Variants in RASAL2 observed in about 807,000 individuals in gnomAD.
RASAL2 encodes ras GTPase-activating protein nGAP.
In RASAL2, 58 loss-of-function variants were observed where a neutral mutation model predicts 128.9. That is an observed-to-expected ratio of 0.45 (90% confidence interval 0.36 to 0.56). The LOEUF (loss-of-function observed/expected upper bound fraction) is 0.56. RASAL2 is among the 20% of genes least tolerant of loss of function. The pLI is 0.00. For missense variants in RASAL2, 1,360 were observed against 1,601.6 expected, an observed-to-expected ratio of 0.85 and a Z score of 2.57; for synonymous variants, 561 against 580.8, an observed-to-expected ratio of 0.97 and a Z score of 0.49.
intron 17 of RASAL2, among the ~76,000 whole-genome samples, chr1:178,468,850 A>G (rs949211658): frequency 6.6e-6 from 1 of 152,234 alleles, no homozygotes; most frequent in East Asian, 1.9e-4. Flanking sequence ...AAATAAGGCA[A>G]TTGAGTCAGG....
At chr1:178,347,847 T>C (rs1670231118) in intron 3 of RASAL2, among the ~76,000 whole-genome samples, 1 of 152,220 alleles carries the variant, frequency 6.6e-6, no homozygotes. Context: ...AGAAGACCTG[T>C]ACAAAAATGC....
At chr1:178,361,591 T>C (rs1234218008) in intron 3 of RASAL2, among the ~76,000 whole-genome samples, 1 of 152,092 alleles carries the variant, frequency 6.6e-6, no homozygotes, top group Admixed American at 6.6e-5. Flanking sequence ...GCATCTGTAC[T>C]GAACATGTAC....
intron 1 of RASAL2, among the ~76,000 whole-genome samples, chr1:178,265,125 C>T (rs1665884020): frequency 6.6e-6 from 1 of 152,206 alleles, no homozygotes; most frequent in Admixed American, 6.5e-5. Flanking sequence ...ATCTGTAATA[C>T]ATGGAAGATT....
intron 4 of RASAL2, chr1:178,411,969 T>G: frequency 1.7e-6 from 1 of 585,046 alleles, no homozygotes; most frequent in South Asian, 2.0e-5. Flanking sequence ...CCATCCCCTC[T>G]TGACGGCACC....
intron 3 of RASAL2, among the ~76,000 whole-genome samples, chr1:178,354,774 G>T (rs901056819): frequency 5.9e-5 from 9 of 152,088 alleles, no homozygotes; most frequent in African/African-American, 2.2e-4. Flanking sequence ...CATCTAAAAA[G>T]TAAACTATAA....
At chr1:178,271,921 C>T (rs768649151) in intron 1 of RASAL2, among the ~76,000 whole-genome samples, 6 of 152,228 alleles carry the variant, frequency 3.9e-5, no homozygotes, top group South Asian at 2.1e-4. Context: ...GTAGGACCAC[C>T]GTCTTCCTCA....
At chr1:178,150,553 C>A (rs1196740904) in intron 1 of RASAL2, among the ~76,000 whole-genome samples, 2 of 152,026 alleles carry the variant, frequency 1.3e-5, no homozygotes, top group Non-Finnish European at 2.9e-5. Context: ...AAAATGTTGT[C>A]TATTGTTACA....
At chr1:178,296,099 ATGTG>A (rs1557883587) in intron 2 of RASAL2, among the ~76,000 whole-genome samples, 1 of 148,626 alleles carries the variant, frequency 6.7e-6, no homozygotes, top group Non-Finnish European at 1.5e-5. Context: ...GTGTATATAT[ATGTG>A]TATATATGTG....
At chr1:178,138,738 C>A (rs1467074566) in intron 1 of RASAL2, among the ~76,000 whole-genome samples, 1 of 152,050 alleles carries the variant, frequency 6.6e-6, no homozygotes, top group African/African-American at 2.4e-5. Context: ...TTAATTTATA[C>A]CTTTTGGTAT....
At chr1:178,345,856 AG>A (rs1173246837) in intron 3 of RASAL2, among the ~76,000 whole-genome samples, 4 of 152,350 alleles carry the variant, frequency 2.6e-5, no homozygotes, top group African/African-American at 9.6e-5. Flanking sequence ...GTCTATTAAC[AG>A]GGAAGGATAA....
chr1:178,129,628 G>A (rs1387829649), intron 1 of RASAL2, among the ~76,000 whole-genome samples: 1 of 151,632 alleles, frequency 6.6e-6, no homozygotes, highest in Non-Finnish European at 1.5e-5. Context: ...TACAATTGAT[G>A]GTTTTAGTAT....
At chr1:178,456,347 C>T (rs566846591) in intron 12 of RASAL2, 8 of 267,510 alleles carry the variant, frequency 3.0e-5, no homozygotes, top group Non-Finnish European at 5.8e-5. Flanking sequence ...TTTGGTTCTG[C>T]CTCCACCCTC....
rs397982072 is a variant in RASAL2 at position 178,136,756 on chromosome 1, C to CAAAAAAAAAAA, written c.202+42082_202+42092dup. 2.5e-4 allele frequency among the ~76,000 whole-genome samples: 12 copies of CAAAAAAAAAAA among 47,208 alleles called. 1 individual carries two copies. Among genetic ancestry groups the CAAAAAAAAAAA allele is most frequent in the African/African-American group, 9.2e-4 (9 of 9,798 alleles). 31.0% of individuals were successfully genotyped at this position (47,208 alleles called of 152,430 possible). A position where few individuals can be genotyped will look rare whatever the true frequency, so the allele number is the denominator to read the frequency against. On this transcript the variant is annotated intron_variant, in intron 1 of 17. Transcript: ENST00000367649. ...TAGGTGACAAAGTGAGACTCTGTCTCAAAAAAAAAAAAAAAAAAAAAAAAA... is the reference window on the plus strand; with the variant it reads ...TAGGTGACAAAGTGAGACTCTGTCTCAAAAAAAAAAAAAAAAAAAAAAAAAAAAAAAAAAAA...
chr1:178,197,075 A>G (rs1221604501), intron 1 of RASAL2, among the ~76,000 whole-genome samples: 1 of 152,216 alleles, frequency 6.6e-6, no homozygotes, highest in African/African-American at 2.4e-5. Context: ...GCACTTTGGG[A>G]GGCCGAGGTG....
intron 1 of RASAL2, among the ~76,000 whole-genome samples, chr1:178,140,077 A>T (rs750680777): frequency 6.6e-6 from 1 of 152,218 alleles, no homozygotes; most frequent in Non-Finnish European, 1.5e-5. Context: ...AACCTATGAA[A>T]GCAGATTGGA....
intron 1 of RASAL2, among the ~76,000 whole-genome samples, chr1:178,281,915 G>A (rs1428746862): frequency 6.6e-6 from 1 of 152,126 alleles, no homozygotes; most frequent in Non-Finnish European, 1.5e-5. Context: ...AGGATTAAGA[G>A]TCAGTTTCAT....
chr1:178,446,907 T>C (rs896453932), intron 9 of RASAL2, among the ~76,000 whole-genome samples: 4 of 152,090 alleles, frequency 2.6e-5, no homozygotes, highest in Admixed American at 6.6e-5. Context: ...AGAAGTAGCA[T>C]GGGGGAAAGG....
At chr1:178,141,189 TTTTC>T (rs1172975850) in intron 1 of RASAL2, among the ~76,000 whole-genome samples, 1 of 116,344 alleles carries the variant, frequency 8.6e-6, no homozygotes, top group Non-Finnish European at 1.8e-5. Context: ...TTTTCTTTTC[TTTTC>T]TTTTTTTTTT....
At chr1:178,259,256 G>T (rs375299300) in intron 1 of RASAL2, among the ~76,000 whole-genome samples, 1 of 145,050 alleles carries the variant, frequency 6.9e-6, no homozygotes, top group Non-Finnish European at 1.5e-5. Flanking sequence ...TCAGCCTCCC[G>T]AGTAGCTGGG....
Sources: allele counts gnomAD v4.1 joint callset (sites outside exome capture counted in the v4.1 genomes callset), GRCh38; gene constraint gnomAD v4.1.1; transcripts MANE v1.5; gene names NCBI Gene and HGNC (gene_info 2026-07-23, HGNC 2026-07-21).